The following CTIF variants were observed in gnomAD, a reference collection of about 807,000 sequenced individuals.
CTIF encodes CBP80/20-dependent translation initiation factor.
In CTIF, 21 loss-of-function variants were observed where a neutral mutation model predicts 66.0. That is an observed-to-expected ratio of 0.32 (90% confidence interval 0.23 to 0.46). The LOEUF (loss-of-function observed/expected upper bound fraction) is 0.46, where lower values mean the gene tolerates loss of function less well. Among genes scored for constraint, CTIF ranks in the 20% least tolerant of loss-of-function variants. The probability of loss-of-function intolerance (pLI) is 1.00; values close to 1 mark genes in which losing one functional copy is unlikely to be tolerated. For missense variants in CTIF, 739 were observed against 812.7 expected, an observed-to-expected ratio of 0.91 and a Z score of 1.10; for synonymous variants, 345 against 326.4, an observed-to-expected ratio of 1.06 and a Z score of -0.62.
chr18:48,786,096 G>C (rs1206150625), intron 9 of CTIF, among the ~76,000 whole-genome samples: 1 of 152,122 alleles, frequency 6.6e-6, no homozygotes, highest in South Asian at 2.1e-4. Flanking sequence ...GGATATACCT[G>C]TACAGACCCC....
At chr18:48,581,239 T>C (rs1381986884) in intron 1 of CTIF, among the ~76,000 whole-genome samples, 4 of 150,700 alleles carry the variant, frequency 2.7e-5, no homozygotes, top group Admixed American at 2.6e-4. Context: ...GTTTTTTTTG[T>C]TGTTGTTGTT....
chr18:48,565,343 C>T (rs953645581), intron 1 of CTIF: 7 of 152,108 alleles, frequency 4.6e-5, no homozygotes, highest in Admixed American at 6.5e-5. Flanking sequence ...GCTGAGAAAT[C>T]GCTGGTGTGC....
At chr18:48,682,851 T>C (rs2091769720) in intron 6 of CTIF, 1 of 152,256 alleles carries the variant, frequency 6.6e-6, no homozygotes, top group Admixed American at 6.5e-5. Flanking sequence ...GGAAGGCTCA[T>C]TCCCTTTGCA....
chr18:48,725,901 G>A (rs1467904456), intron 7 of CTIF, among the ~76,000 whole-genome samples: 1 of 152,092 alleles, frequency 6.6e-6, no homozygotes, highest in Non-Finnish European at 1.5e-5. Context: ...TCATATCACA[G>A]GAGCCACACC....
chr18:48,799,732 T>C (rs539677075), intron 9 of CTIF, among the ~76,000 whole-genome samples: 9 of 152,182 alleles, frequency 5.9e-5, no homozygotes, highest in Non-Finnish European at 1.0e-4. Flanking sequence ...ATTTCCTCCC[T>C]GGGGTTGCCA....
chr18:48,569,700 T>A (rs2089367048), intron 1 of CTIF, among the ~76,000 whole-genome samples: 1 of 152,114 alleles, frequency 6.6e-6, no homozygotes, highest in South Asian at 2.1e-4. Context: ...CAAAGACCAG[T>A]TCAGTTCGCA....
chr18:48,815,584 T>C (rs998433703), intron 9 of CTIF, among the ~76,000 whole-genome samples: 1 of 152,236 alleles, frequency 6.6e-6, no homozygotes, highest in Admixed American at 6.5e-5. Context: ...CTCAGGTCAT[T>C]ATAAGCTGTG....
At chr18:48,547,795 G>A (rs956596342) in intron 1 of CTIF, among the ~76,000 whole-genome samples, 5 of 152,228 alleles carry the variant, frequency 3.3e-5, no homozygotes, top group Admixed American at 6.5e-5. Flanking sequence ...TTTGAAGATA[G>A]ATGTGAGGGT....
intron 6 of CTIF, among the ~76,000 whole-genome samples, chr18:48,675,488 G>A (rs1462570398): frequency 3.9e-5 from 6 of 152,198 alleles, no homozygotes; most frequent in African/African-American, 1.2e-4. Flanking sequence ...TGGTCCCAGC[G>A]CCAGCAGCCA....
At chr18:48,706,526 A>G (rs973530287) in intron 6 of CTIF, among the ~76,000 whole-genome samples, 1 of 151,960 alleles carries the variant, frequency 6.6e-6, no homozygotes, top group Non-Finnish European at 1.5e-5. Flanking sequence ...TATGGCTGTC[A>G]TCACAGGGCA....
intron 9 of CTIF, among the ~76,000 whole-genome samples, chr18:48,797,968 C>T (rs1033786551): frequency 4.6e-5 from 7 of 152,154 alleles, no homozygotes; most frequent in African/African-American, 1.4e-4. Context: ...CCCTGCCAGG[C>T]CTCTCTGCTC....
In CTIF at chr18:48,542,648, T is replaced by C. The variant is rs72923600; in HGVS notation, c.-29+3336T>C. 5.8e-3 allele frequency among the ~76,000 whole-genome samples: 887 copies of C among 152,328 alleles called. 7 individuals are homozygous for C. Among genetic ancestry groups the C allele is most frequent in the Non-Finnish European group, 9.3e-3 (631 of 68,020 alleles). Reference sequence around the variant, plus strand: ...TAAGTTGCAATGCAATAACACAGCCTACAGGAGGGAACAAATCATAAATAT... The same window carrying C: ...TAAGTTGCAATGCAATAACACAGCCCACAGGAGGGAACAAATCATAAATAT... On this transcript the variant is annotated intron_variant, in intron 1 of 11. Transcript: ENST00000256413.
chr18:48,750,661 C>T (rs1232408098), intron 7 of CTIF, among the ~76,000 whole-genome samples: 1 of 152,224 alleles, frequency 6.6e-6, no homozygotes, highest in Non-Finnish European at 1.5e-5. Context: ...CCAAGGCTGG[C>T]TGGCCGGATC....
chr18:48,861,982 C>A lies in CTIF; in HGVS notation c.*2423C>A, dbSNP rs2069480066. 1 of 151,912 alleles carries A rather than the reference C, an allele frequency of 6.6e-6. No homozygotes were observed. The highest frequency in any genetic ancestry group is 1.5e-5 in the Non-Finnish European group (1 of 68,038). The allele number at this position is 151,912 out of a possible 1,614,324, so 9.4% of individuals were successfully genotyped here. On this transcript the variant is annotated 3_prime_UTR_variant, in exon 12 of 12. Transcript: ENST00000256413. ...GCTTCCTAGCCAATCTGAACAACAA[C>A]ACTTTAAGCTGTTTTTCTAAATGCA... is the stretch of plus-strand genomic sequence containing the variant.
intron 6 of CTIF, among the ~76,000 whole-genome samples, chr18:48,672,526 C>T (rs1204217191): frequency 1.3e-5 from 2 of 152,168 alleles, no homozygotes; most frequent in Non-Finnish European, 2.9e-5. Context: ...GGAAAGCCCA[C>T]CTCTAGCCTG....
chr18:48,742,958 A>G (rs1416239628), intron 7 of CTIF, among the ~76,000 whole-genome samples: 1 of 152,084 alleles, frequency 6.6e-6, no homozygotes, highest in African/African-American at 2.4e-5. Context: ...CCAGAGAGCC[A>G]CTCTGGTGGT....
At chr18:48,859,219 A>G in intron 11 of CTIF, 125 bp from the exon 12 acceptor site, 1 of 778,274 alleles carries the variant, frequency 1.3e-6, no homozygotes, top group Non-Finnish European at 2.2e-6. Context: ...GCTGTGGCAC[A>G]GGGGTCTGGG....
At chr18:48,550,396 C>T (rs1055613177) in intron 1 of CTIF, among the ~76,000 whole-genome samples, 2 of 152,218 alleles carry the variant, frequency 1.3e-5, no homozygotes, top group Non-Finnish European at 2.9e-5. Context: ...GCACATTCTG[C>T]AGAATGAGTT....
chr18:48,588,981 T>G (rs1321697084), intron 1 of CTIF, among the ~76,000 whole-genome samples: 2 of 152,018 alleles, frequency 1.3e-5, no homozygotes, highest in Non-Finnish European at 2.9e-5. Context: ...TCTCCCATAA[T>G]CCTCCAGAGG....
Sources: gnomAD v4.1 joint callset for allele counts (sites outside exome capture counted in the v4.1 genomes callset) on GRCh38, gnomAD v4.1.1 for gene constraint, MANE v1.5 for transcripts, NCBI Gene and HGNC (gene_info 2026-07-23, HGNC 2026-07-21) for gene names.